BMPR1A: variants seen among roughly 807,000 people sequenced by gnomAD.
BMPR1A encodes bone morphogenetic protein receptor type-1A.
In BMPR1A, 7 loss-of-function variants were observed where a neutral mutation model predicts 66.0. The observed-to-expected ratio is 0.11, with a 90% CI of 0.06 to 0.20. BMPR1A has a LOEUF of 0.20. Ranked by LOEUF, BMPR1A falls within the 10% of genes least tolerant of loss-of-function variation. BMPR1A has a pLI of 1.00. For missense variants in BMPR1A, 408 were observed against 669.1 expected (o/e 0.61, Z 4.31); for synonymous variants, 200 against 229.7 (o/e 0.87, Z 1.17).
chr10:86,810,669 C>A (rs1841956599), intron 1 of BMPR1A, among the ~76,000 whole-genome samples: 1 of 152,200 alleles, frequency 6.6e-6, no homozygotes, highest in South Asian at 2.1e-4. Flanking sequence ...TATCGTTCAG[C>A]ATATTTCCAT....
At chr10:86,916,434 T>C (rs926776238) in intron 8 of BMPR1A, among the ~76,000 whole-genome samples, 4 of 152,324 alleles carry the variant, frequency 2.6e-5, no homozygotes, top group Middle Eastern at 3.4e-3. Context: ...CCATTATTTT[T>C]TGGTCACAGG....
chr10:86,839,781 C>G (rs986264715), intron 2 of BMPR1A, among the ~76,000 whole-genome samples: 2 of 151,666 alleles, frequency 1.3e-5, no homozygotes, highest in Non-Finnish European at 2.9e-5. Context: ...CCTCAGTCTC[C>G]CACATAGCTG....
At chr10:86,913,152 T>G (rs956610470) in intron 8 of BMPR1A, among the ~76,000 whole-genome samples, 2 of 152,140 alleles carry the variant, frequency 1.3e-5, no homozygotes, top group East Asian at 1.9e-4. Flanking sequence ...ATCGAGATAG[T>G]CTTGCTCTGT....
chr10:86,871,176 C>T (rs74538469), intron 2 of BMPR1A, among the ~76,000 whole-genome samples: 10,241 of 152,278 alleles, frequency 0.067, 377 homozygotes, highest in South Asian at 0.12. Context: ...GGTCACTTCT[C>T]AGCATTGCTT....
intron 1 of BMPR1A, among the ~76,000 whole-genome samples, chr10:86,817,536 A>C (rs907442382): frequency 6.6e-6 from 1 of 152,236 alleles, no homozygotes; most frequent in Non-Finnish European, 1.5e-5. Flanking sequence ...TGTTGTGAAT[A>C]ATGCTGCCAT....
In BMPR1A at chr10:86,925,198, A is replaced by C. The variant is rs1040032982; in HGVS notation, c.*1479A>C. ...GTTCATATTTTATAGATGCCTTGTTATCTCAAGAAATCTGATTTACATAAA... is the reference window on the plus strand; with the variant it reads ...GTTCATATTTTATAGATGCCTTGTTCTCTCAAGAAATCTGATTTACATAAA... On this transcript the variant is annotated 3_prime_UTR_variant, in exon 13 of 13. Transcript: ENST00000372037. 3.0e-5 allele frequency: 7 copies of C among 230,284 alleles called. No individual in the cohort carries two copies. The highest frequency in any genetic ancestry group is 1.5e-4 in the African/African-American group (7 of 45,204). 14.3% of individuals were successfully genotyped at this position (230,284 alleles called of 1,614,324 possible). A position where few individuals can be genotyped will look rare whatever the true frequency, so the allele number is the denominator to read the frequency against.
chr10:86,840,213 A>G lies in BMPR1A; in HGVS notation c.-153+1234A>G, dbSNP rs1269391566. On this transcript the variant is annotated intron_variant, in intron 2 of 12. Transcript: ENST00000372037. ...GTTTTATGAAGTGGTCTACGCTTAC[A>G]CTTCTGGAAGTGGCAGGCTTTGCTT... is the stretch of plus-strand genomic sequence containing the variant. Among the ~76,000 whole-genome samples, 6 of 152,278 alleles carry G rather than the reference A, an allele frequency of 3.9e-5. No homozygotes were observed. In the South Asian group the frequency reaches 6.2e-4, roughly 16 times the overall value.
Position 86,773,654 on chromosome 10 carries a change from T to C in BMPR1A, c.-268+16735T>C, listed in dbSNP as rs370426854. On this transcript the variant is annotated intron_variant, in intron 1 of 12. Transcript: ENST00000372037. The stretch of plus-strand genomic sequence containing the variant: ...ATGGAAATAGAAAATCTAAAACCTC[T>C]AGCAGAATGAAGCTAGAAAGAATGG... 4.0e-5 allele frequency among the ~76,000 whole-genome samples: 6 copies of C among 149,752 alleles called. No homozygotes were observed. The East Asian group carries it at 7.8e-4, about 20-fold the overall frequency.
At chr10:86,791,154 A>G (rs1841611260) in intron 1 of BMPR1A, among the ~76,000 whole-genome samples, 1 of 152,120 alleles carries the variant, frequency 6.6e-6, no homozygotes. Flanking sequence ...ATGTGACCCA[A>G]CTGACAGAAT....
chr10:86,912,114 T>TG, intron 7 of BMPR1A, 126 bp from the exon 8 acceptor site: 1 of 1,007,612 alleles, frequency 9.9e-7, no homozygotes, highest in Non-Finnish European at 1.5e-6. Context: ...TATTATCCAA[T>TG]GATAAGACTA....
At chr10:86,786,142 A>G (rs184091956) in intron 1 of BMPR1A, among the ~76,000 whole-genome samples, 5 of 152,280 alleles carry the variant, frequency 3.3e-5, no homozygotes, top group Middle Eastern at 3.4e-3. Context: ...TGAACTGACC[A>G]TGCTTCTAGC....
At chr10:86,885,111 G>A (rs1438083041) in intron 3 of BMPR1A, among the ~76,000 whole-genome samples, 2 of 152,162 alleles carry the variant, frequency 1.3e-5, no homozygotes, top group Non-Finnish European at 2.9e-5. Context: ...TTTGTTTGGT[G>A]ATGGAAATTT....
intron 3 of BMPR1A, among the ~76,000 whole-genome samples, chr10:86,881,492 T>A (rs1842984387): frequency 6.6e-6 from 1 of 152,122 alleles, no homozygotes. Context: ...ATCTAGACCT[T>A]AAAAACAGAG....
intron 1 of BMPR1A, among the ~76,000 whole-genome samples, chr10:86,791,230 T>G (rs77129116): frequency 1.4e-5 from 2 of 142,950 alleles, no homozygotes; most frequent in Admixed American, 1.4e-4. Context: ...TTTTTTTTTT[T>G]GAGACAAAGT....
rs560939961 is a variant in BMPR1A at position 86,921,141 on chromosome 10, A to C, written c.1167-379A>C. Among the ~76,000 whole-genome samples, 25 of 152,224 alleles carry C rather than the reference A, an allele frequency of 1.6e-4. 1 individual carries two copies. The highest frequency in any genetic ancestry group is 6.8e-3 in the Middle Eastern group (2 of 292). On this transcript the variant is annotated intron_variant, in intron 10 of 12. Coordinates refer to ENST00000372037, the MANE Select transcript of BMPR1A (RefSeq NM_004329.3). ...AGTGCTGAGATTACAGGCATGAGCAACCGTGCCTGGCTTAACTTTATCTTA... is the reference window on the plus strand; with the variant it reads ...AGTGCTGAGATTACAGGCATGAGCACCCGTGCCTGGCTTAACTTTATCTTA...
intron 1 of BMPR1A, among the ~76,000 whole-genome samples, chr10:86,791,965 G>A (rs1410335346): frequency 6.7e-6 from 1 of 148,710 alleles, no homozygotes; most frequent in African/African-American, 2.5e-5. Flanking sequence ...GTGATCGCCT[G>A]CTTTGGCCTC....
chr10:86,888,622 T>A (rs1260239243), intron 3 of BMPR1A, among the ~76,000 whole-genome samples: 1 of 150,486 alleles, frequency 6.6e-6, no homozygotes, highest in Non-Finnish European at 1.5e-5. Context: ...AGCCCAGGAG[T>A]TCAAGACCAA....
At chr10:86,814,967 G>A (rs60381065) in intron 1 of BMPR1A, among the ~76,000 whole-genome samples, 33,328 of 151,948 alleles carry the variant, frequency 0.22, 4,773 homozygotes, top group East Asian at 0.64. Flanking sequence ...TGTATTTTTA[G>A]TAGAGACAGG....
upstream of BMPR1A, chr10:86,756,477 G>C (rs1847863747): frequency 6.6e-6 from 1 of 150,728 alleles, no homozygotes; most frequent in Non-Finnish European, 1.5e-5. Flanking sequence ...TTCGTGTCCG[G>C]GGCGGGGCGG....
Sources: gnomAD v4.1 joint callset for allele counts (sites outside exome capture counted in the v4.1 genomes callset) on GRCh38, gnomAD v4.1.1 for gene constraint, MANE v1.5 for transcripts, NCBI Gene and HGNC (gene_info 2026-07-23, HGNC 2026-07-21) for gene names.